DACH1: variants seen among roughly 807,000 people sequenced by gnomAD.
DACH1 encodes dachshund family transcription factor 1, also known as dachshund homolog 1.
DACH1 carries 12 observed loss-of-function variants against 54.2 expected under a neutral mutation model. The ratio of observed to expected loss-of-function variants is 0.22; its 90% CI spans 0.14 to 0.36. DACH1 has a LOEUF of 0.36. Ranked by LOEUF, DACH1 falls within the 10% of genes least tolerant of loss-of-function variation. The pLI is 1.00. For synonymous variants in DACH1, 386 were observed against 366.2 expected, an observed-to-expected ratio of 1.05 and a Z score of -0.62; for missense variants, 805 against 929.8, an observed-to-expected ratio of 0.87 and a Z score of 1.75.
At chr13:71,440,767 CTT>C (rs1438442849) in intron 10 of DACH1, 75 bp from the exon 11 acceptor site, 50 of 1,180,944 alleles carry the variant, frequency 4.2e-5, no homozygotes, top group East Asian at 7.5e-5. Context: ...AATGATGTAA[CTT>C]GATATAAAAT....
intron 10 of DACH1, among the ~76,000 whole-genome samples, chr13:71,469,710 G>A (rs1171639821): frequency 1.3e-5 from 2 of 152,094 alleles, no homozygotes; most frequent in Admixed American, 6.5e-5. Context: ...TATCATCAAC[G>A]TTGAATAAAT....
intron 1 of DACH1, among the ~76,000 whole-genome samples, chr13:71,743,211 A>G (rs903184403): frequency 1.3e-5 from 2 of 152,144 alleles, no homozygotes; most frequent in African/African-American, 4.8e-5. Context: ...ACAGATCACT[A>G]AAGGGAGGAA....
intron 1 of DACH1, among the ~76,000 whole-genome samples, chr13:71,705,613 T>C (rs967143932): frequency 3.3e-5 from 5 of 152,226 alleles, no homozygotes; most frequent in African/African-American, 1.2e-4. Context: ...AATGAATGTA[T>C]AGGCAGATAG....
intron 3 of DACH1, among the ~76,000 whole-genome samples, chr13:71,608,898 A>C (rs1300684332): frequency 1.3e-5 from 2 of 152,118 alleles, no homozygotes; most frequent in Non-Finnish European, 2.9e-5. Context: ...GAGGATATAA[A>C]GATAATTGTA....
chr13:71,608,879 G>C (rs1875092838), intron 3 of DACH1, among the ~76,000 whole-genome samples: 1 of 151,988 alleles, frequency 6.6e-6, no homozygotes, highest in Non-Finnish European at 1.5e-5. Flanking sequence ...GAATACATGG[G>C]CATAGTTTGA....
intron 10 of DACH1, among the ~76,000 whole-genome samples, chr13:71,451,914 C>G (rs1338147588): frequency 6.6e-6 from 1 of 152,098 alleles, no homozygotes; most frequent in African/African-American, 2.4e-5. Context: ...AATAAATACT[C>G]TGAAATAACT....
chr13:71,468,939 C>A (rs1338008257), intron 10 of DACH1, among the ~76,000 whole-genome samples: 2 of 152,104 alleles, frequency 1.3e-5, no homozygotes, highest in Admixed American at 1.3e-4. Context: ...AATTGTATAT[C>A]ATTCGTTGGC....
chr13:71,734,148 ATATCCCATATAC>A (rs1883886247), intron 1 of DACH1, among the ~76,000 whole-genome samples: 1 of 148,416 alleles, frequency 6.7e-6, no homozygotes, highest in African/African-American at 2.5e-5. Context: ...ATATATATGT[ATATCCCATATAC>A]GTATACCCCA....
At chr13:71,690,632 T>C (rs540774607) in intron 1 of DACH1, among the ~76,000 whole-genome samples, 39 of 152,272 alleles carry the variant, frequency 2.6e-4, no homozygotes, top group African/African-American at 9.1e-4. Context: ...TTAAATTTAA[T>C]ATTAAAACCT....
chr13:71,788,386 A>G (rs1292708542), intron 1 of DACH1, among the ~76,000 whole-genome samples: 1 of 152,138 alleles, frequency 6.6e-6, no homozygotes, highest in Admixed American at 6.6e-5. Flanking sequence ...TATATGTGTG[A>G]GTATCTGTGT....
intron 1 of DACH1, among the ~76,000 whole-genome samples, chr13:71,705,378 T>C (rs966335514): frequency 9.9e-5 from 10 of 101,034 alleles, no homozygotes; most frequent in Admixed American, 8.7e-4. Context: ...TGGCTACAAC[T>C]CTCTCAGCAC....
chr13:71,867,093 G>A lies in DACH1; in HGVS notation c.-324C>T, dbSNP rs1348291551. On this transcript the variant is annotated 5_prime_UTR_variant, in exon 1 of 11. Coordinates refer to ENST00000613252, the MANE Select transcript of DACH1 (RefSeq NM_080759.6). ...GGTGGGGCGGGGAGGGTCGGCTGTT[G>A]TTGTGTGGGTCTCGCTCTAGCACAA... 4.2e-6 allele frequency: 1 copy of A among 236,048 alleles called. No homozygotes were observed. Among genetic ancestry groups the A allele is most frequent in the Non-Finnish European group, 8.1e-6 (1 of 122,944 alleles). 14.6% of individuals were successfully genotyped at this position (236,048 alleles called of 1,614,324 possible).
rs1410225630 is a variant in DACH1 at position 71,826,747 on chromosome 13, C to T, written c.848+39175G>A. 2.0e-5 allele frequency among the ~76,000 whole-genome samples: 3 copies of T among 151,812 alleles called. No homozygotes were observed. The South Asian group carries it at 6.2e-4, about 32-fold the overall frequency. Reference sequence around the variant, plus strand: ...CTTACATCTTTATATATGTATATTCCGAAGTAGATCCTTGAGGACTCAGAA... The same window carrying T: ...CTTACATCTTTATATATGTATATTCTGAAGTAGATCCTTGAGGACTCAGAA... On this transcript the variant is annotated intron_variant, in intron 1 of 10. Coordinates refer to ENST00000613252, the MANE Select transcript of DACH1 (RefSeq NM_080759.6).
Position 71,738,730 on chromosome 13 carries a change from T to TAAA in DACH1, c.849-56821_849-56820insTTT. ...CTGGGCAACAGAGCGAGACTCTGTCTCAAAAAAAAAAAAAAAAAAAAAAAA... is the reference window on the plus strand; with the variant it reads ...CTGGGCAACAGAGCGAGACTCTGTCTAAACAAAAAAAAAAAAAAAAAAAAAAAA... On this transcript the variant is annotated intron_variant, in intron 1 of 10. Transcript: ENST00000613252. Among the ~76,000 whole-genome samples the TAAA allele has an allele frequency of 1.3e-3, 5 of 3,824 alleles. No individual in the cohort carries two copies. The Non-Finnish European group carries it at 0.023, about 18-fold the overall frequency. The allele number at this position is 3,824 out of a possible 152,430, so 2.5% of individuals were successfully genotyped here.
intron 10 of DACH1, among the ~76,000 whole-genome samples, chr13:71,457,291 C>G (rs1194665551): frequency 6.6e-6 from 1 of 151,930 alleles, no homozygotes; most frequent in Non-Finnish European, 1.5e-5. Context: ...ATGAAAAATA[C>G]ATGTCTCTTA....
At chr13:71,619,398 C>T (rs1876040730) in intron 3 of DACH1, among the ~76,000 whole-genome samples, 1 of 151,820 alleles carries the variant, frequency 6.6e-6, no homozygotes, top group Non-Finnish European at 1.5e-5. Flanking sequence ...CAAAAAGCAA[C>T]AACTAAATGA....
intron 1 of DACH1, among the ~76,000 whole-genome samples, chr13:71,791,882 C>A (rs1238154574): frequency 6.6e-6 from 1 of 152,128 alleles, no homozygotes; most frequent in African/African-American, 2.4e-5. Context: ...GCTGGTCAAT[C>A]AAGTCTAGGT....
At chr13:71,641,354 CAG>C (rs1877884862) in intron 2 of DACH1, among the ~76,000 whole-genome samples, 1 of 152,010 alleles carries the variant, frequency 6.6e-6, no homozygotes, top group Admixed American at 6.6e-5. Context: ...AATATACATG[CAG>C]AGTCACTGGT....
chr13:71,829,627 T>C (rs180958115), intron 1 of DACH1, among the ~76,000 whole-genome samples: 1 of 152,070 alleles, frequency 6.6e-6, no homozygotes, highest in African/African-American at 2.4e-5. Flanking sequence ...TCCACCATGG[T>C]AATAGTTCTT....
Sources: allele counts gnomAD v4.1 joint callset (sites outside exome capture counted in the v4.1 genomes callset), GRCh38; gene constraint gnomAD v4.1.1; transcripts MANE v1.5; gene names NCBI Gene and HGNC (gene_info 2026-07-23, HGNC 2026-07-21).